The following ABCG1 variants were observed in gnomAD, a reference collection of about 807,000 sequenced individuals.
The protein encoded by ABCG1 is ATP-binding cassette sub-family G member 1.
In ABCG1, 29 loss-of-function variants were observed where a neutral mutation model predicts 69.2. The observed-to-expected ratio is 0.42, with a 90% CI of 0.31 to 0.57. The LOEUF (loss-of-function observed/expected upper bound fraction) is 0.57, where lower values mean the gene tolerates loss of function less well. ABCG1 is among the 20% of genes least tolerant of loss of function. ABCG1 has a pLI of 0.15. For missense variants in ABCG1, 718 were observed against 898.1 expected, an observed-to-expected ratio of 0.80 and a Z score of 2.56; for synonymous variants, 370 against 374.8, an observed-to-expected ratio of 0.99 and a Z score of 0.15.
intron 2 of ABCG1, among the ~76,000 whole-genome samples, chr21:42,252,468 CA>C (rs2068237717): frequency 6.6e-6 from 1 of 152,154 alleles, no homozygotes; most frequent in Non-Finnish European, 1.5e-5. Context: ...TGCCTGAGAG[CA>C]CAGAGAAACA....
At chr21:42,259,575 G>T in intron 2 of ABCG1, 3 of 1,483,100 alleles carry the variant, frequency 2.0e-6, no homozygotes, top group Non-Finnish European at 2.7e-6. Flanking sequence ...AAATCGAGTG[G>T]CATTGCCTCT....
chr21:42,285,849 T>A, intron 7 of ABCG1, 31 bp from the exon 8 acceptor site: 2 of 1,509,754 alleles, frequency 1.3e-6, no homozygotes, highest in Non-Finnish European at 1.8e-6. Flanking sequence ...AAGGCAGGGC[T>A]TGATCCCTTT....
At chr21:42,203,224 T>C (rs987317954) in intron 2 of ABCG1, among the ~76,000 whole-genome samples, 1 of 152,222 alleles carries the variant, frequency 6.6e-6, no homozygotes, top group African/African-American at 2.4e-5. Context: ...TTGTTGGAGA[T>C]GAGATTTGCA....
intron 2 of ABCG1, among the ~76,000 whole-genome samples, chr21:42,247,153 C>A (rs1013159954): frequency 1.3e-4 from 20 of 152,042 alleles, no homozygotes; most frequent in African/African-American, 4.6e-4. Context: ...ATTTGAAATT[C>A]TTTTTTCTAT....
upstream of ABCG1, among the ~76,000 whole-genome samples, chr21:42,213,509 A>G (rs1601334974): frequency 2.0e-5 from 3 of 152,358 alleles, no homozygotes; most frequent in Admixed American, 2.0e-4. Context: ...GACAATGCCC[A>G]GTGGAGGTGT....
At position 42,296,131 on chromosome 21, in the gene ABCG1, A is replaced by G. The variant is rs11910928; in HGVS notation, c.1773-33A>G. The G allele has an allele frequency of 0.021, 32,815 of 1,582,440 alleles. 5,408 individuals are homozygous for G. The African/African-American group carries it at 0.37, about 18-fold the overall frequency. On this transcript the variant is annotated intron_variant, in intron 14 of 14. Coordinates refer to ENST00000398449, the MANE Select transcript of ABCG1 (RefSeq NM_016818.3). This position sits in a 1 kb window ranked among gnomAD's most constrained non-coding sequence, Gnocchi z 5.4. ...GCCAACGGCGTGGCTGGCTGGGAGA[A>G]CGTCCTCCCTCATGCCTGGCCTTTC...
chr21:42,203,618 C>A (rs116636203), intron 2 of ABCG1, among the ~76,000 whole-genome samples: 2,226 of 152,300 alleles, frequency 0.015, 60 homozygotes, highest in African/African-American at 0.05. Context: ...TTGCGTCTGT[C>A]CTTTTGCCAA....
At chr21:42,249,479 A>G (rs776972021) in intron 2 of ABCG1, among the ~76,000 whole-genome samples, 1 of 152,124 alleles carries the variant, frequency 6.6e-6, no homozygotes, top group Non-Finnish European at 1.5e-5. Context: ...CTGGTGCCTC[A>G]GTTTTCTCAT....
intron 2 of ABCG1, among the ~76,000 whole-genome samples, chr21:42,205,460 G>A (rs374782585): frequency 2.2e-4 from 34 of 152,164 alleles, no homozygotes; most frequent in African/African-American, 8.0e-4. Context: ...TTAGCTGGGT[G>A]TGGTGGTGGG....
intron 1 of ABCG1, among the ~76,000 whole-genome samples, chr21:42,221,648 G>A (rs1171400311): frequency 6.6e-6 from 1 of 152,188 alleles, no homozygotes; most frequent in Non-Finnish European, 1.5e-5. Context: ...TCGCCTTGGG[G>A]GCTCTTGGTC....
At position 42,219,940 on chromosome 21, in the gene ABCG1, G is replaced by A. The variant is rs748984073; in HGVS notation, c.42+636G>A. 2 of 1,551,136 alleles carry A rather than the reference G, an allele frequency of 1.3e-6. No homozygotes were observed. Among genetic ancestry groups the A allele is most frequent in the South Asian group, 2.4e-5 (2 of 84,054 alleles). On this transcript the variant is annotated intron_variant, in intron 1 of 14. Transcript: ENST00000398449. The surrounding 1 kb of genome is among the most constrained non-coding windows in gnomAD (Gnocchi z 5.3). ...ATTCCTGCCGGCCGCCTTTCTGCGC[G>A]CGCCGGAGAGAGAGACGCGGTGGGG...
At chr21:42,270,480 C>T (rs945742341) in intron 2 of ABCG1, among the ~76,000 whole-genome samples, 1 of 151,798 alleles carries the variant, frequency 6.6e-6, no homozygotes, top group African/African-American at 2.4e-5. Context: ...AAATGACAAA[C>T]TTTCTTAATT....
At chr21:42,224,941 T>G (rs1013070677) in intron 1 of ABCG1, among the ~76,000 whole-genome samples, 1 of 149,548 alleles carries the variant, frequency 6.7e-6, no homozygotes, top group African/African-American at 2.6e-5. Context: ...AATGAACACC[T>G]ATCTTTTTTT....
At chr21:42,263,561 G>A (rs147720161) in intron 2 of ABCG1, among the ~76,000 whole-genome samples, 191 of 152,304 alleles carry the variant, frequency 1.3e-3, no homozygotes, top group African/African-American at 4.3e-3. Context: ...CTACACCTCA[G>A]CGACATTTAC....
At chr21:42,277,543 G>A (rs1034940666) in intron 5 of ABCG1, among the ~76,000 whole-genome samples, 5 of 152,136 alleles carry the variant, frequency 3.3e-5, no homozygotes, top group Admixed American at 2.6e-4. Context: ...GCAGCAGAAA[G>A]CCACACAGAG....
chr21:42,288,971 C>T lies in ABCG1; in HGVS notation c.1224+659C>T, dbSNP rs1417641149. ...TAAACATTCAGATCTCACAATAACTCACCCATTGTCATGAGCACAGACCCA... is the reference window on the plus strand; with the variant it reads ...TAAACATTCAGATCTCACAATAACTTACCCATTGTCATGAGCACAGACCCA... On this transcript the variant is annotated intron_variant, in intron 10 of 14. Transcript: ENST00000398449. The surrounding 1 kb of genome is among the most constrained non-coding windows in gnomAD (Gnocchi z 4.8). 1.3e-5 allele frequency among the ~76,000 whole-genome samples: 2 copies of T among 152,108 alleles called. No individual in the cohort carries two copies. The highest frequency in any genetic ancestry group is 6.5e-5 in the Admixed American group (1 of 15,274).
intron 2 of ABCG1, among the ~76,000 whole-genome samples, chr21:42,238,904 C>T (rs1182578495): frequency 1.3e-5 from 2 of 152,260 alleles, no homozygotes; most frequent in East Asian, 3.9e-4. Context: ...GAACATTGTT[C>T]TTGGATTTGC....
In ABCG1 at chr21:42,225,704, C is replaced by A; in HGVS notation, c.76C>A (p.Pro26Thr). ...CAGTTACTCTGCAGAGATGACGGAG[C>A]CCAAGTCGGTGTGTGTCTCGGTGGA... Reference protein sequence around the residue: ...ASSYSAEMTEPKSVCVSVDEV... With the variant: ...ASSYSAEMTETKSVCVSVDEV... Residue 26 changes from proline (P) to threonine (T), a missense_variant, in exon 2 of 15, where the codon CCC becomes ACC. Physicochemically the swap from Pro to Thr is conservative, Grantham distance 38. Transcript: ENST00000398449. The A allele has an allele frequency of 6.2e-7, 1 of 1,613,338 alleles. No homozygotes were observed. The highest frequency in any genetic ancestry group is 1.6e-4 in the Middle Eastern group (1 of 6,062).
At chr21:42,201,539 G>T in intron 1 of ABCG1, 1 of 1,373,488 alleles carries the variant, frequency 7.3e-7, no homozygotes, top group South Asian at 1.3e-5. Flanking sequence ...TAATCTGAGT[G>T]AGCTTCATTC....
Sources: allele counts gnomAD v4.1 joint callset (sites outside exome capture counted in the v4.1 genomes callset), GRCh38; gene constraint gnomAD v4.1.1; non-coding constraint Gnocchi (gnomAD v3.1); transcripts MANE v1.5; gene names NCBI Gene and HGNC (gene_info 2026-07-23, HGNC 2026-07-21).